IER2: variants seen among roughly 807,000 people sequenced by gnomAD.
IER2 encodes the protein immediate early response 2.
For missense variants in IER2, 372 were observed against 325.4 expected, an observed-to-expected ratio of 1.14 and a Z score of -1.10; for synonymous variants, 198 against 149.6, an observed-to-expected ratio of 1.32 and a Z score of -2.36.
chr19:13,152,346 C>T (rs1300864314), intron 1 of IER2: 3 of 152,234 alleles, frequency 2.0e-5, no homozygotes, highest in Admixed American at 1.3e-4. Flanking sequence ...CACGGGAACC[C>T]GTAGCCCGGG....
chr19:13,153,691 G>T lies in IER2; in HGVS notation c.505G>T (p.Gly169Cys). ...GCAGCCCCCTCCGGCGCAAGCGGAG[G>T]GCGCCTTTCCCAACCTGGCCCGCGT... Reference protein sequence around the residue: ...RLQPPPAQAEGAFPNLARVLQ... With the variant: ...RLQPPPAQAECAFPNLARVLQ... Residue 169 changes from glycine to cysteine, a missense_variant, in exon 2 of 2, where the codon GGC becomes TGC. Transcript: ENST00000292433. 6.2e-7 allele frequency: 1 copy of T among 1,611,738 alleles called. No homozygotes were observed. Among genetic ancestry groups the T allele is most frequent in the Non-Finnish European group, 8.5e-7 (1 of 1,179,746 alleles).
In IER2 at chr19:13,153,346, G is replaced by GCC. The variant is rs749903751; in HGVS notation, c.162_163dup (p.Leu55ProfsTer74). 4.4e-6 allele frequency: 7 copies of GCC among 1,598,806 alleles called. No homozygotes were observed. Among genetic ancestry groups the GCC allele is most frequent in the African/African-American group, 1.3e-5 (1 of 74,494 alleles). ...GCTCTACCTCTCGGCCAAGGTGGAGGCCCTCGAGCCCGAGGTGTCGTTGCC... is the reference window on the plus strand; with the variant it reads ...GCTCTACCTCTCGGCCAAGGTGGAGGCCCCCTCGAGCCCGAGGTGTCGTTGCC... On this transcript the variant is annotated frameshift_variant, in exon 2 of 2. Transcript: ENST00000292433. LOFTEE classifies it low-confidence loss of function (END_TRUNC).
chr19:13,151,809 C>CT (rs1555724845), intron 1 of IER2, among the ~76,000 whole-genome samples: 1 of 151,850 alleles, frequency 6.6e-6, no homozygotes, highest in Admixed American at 6.5e-5. Context: ...GCGCCCCCCC[C>CT]CCGGAAGCCC....
rs764748276 is a variant in IER2, at chr19:13,153,457, C to T, written c.271C>T (p.Pro91Ser). The T allele has an allele frequency of 5.0e-6, 8 of 1,595,832 alleles. No homozygotes were observed. Among genetic ancestry groups the T allele is most frequent in the Non-Finnish European group, 6.8e-6 (8 of 1,172,786 alleles). Residue 91 changes from proline (P) to serine (S), a missense_variant, in exon 2 of 2, where the codon CCG becomes TCG. Coordinates refer to ENST00000292433, the MANE Select transcript of IER2 (RefSeq NM_004907.3). ...GACAGCGACCCCCGACGGTGAGCAC[C>T]CGTTTCCGGAGCCAATGGACACGCA... The part of the protein sequence containing the change: ...AETATPDGEH[P>S]FPEPMDTQEA...
At position 13,153,543 on chromosome 19, in the gene IER2, C is replaced by A. The variant is rs766208793; in HGVS notation, c.357C>A (p.Ser119Arg). The change falls in exon 2 of 2, where the codon AGC becomes AGA. Residue 119 changes from serine to arginine, a missense_variant. Coordinates refer to ENST00000292433, the MANE Select transcript of IER2 (RefSeq NM_004907.3). ...GTGCCCCGCGCCCCGCCAAAGTCAG[C>A]CGCAAACGACGCAGCAGCAGCCTGA... is the stretch of plus-strand genomic sequence containing the variant. ...ACCAPRPAKV[S>R]RKRRSSSLSD... is the part of the protein sequence containing the mutation. 3.1e-6 allele frequency: 5 copies of A among 1,589,388 alleles called. No homozygotes were observed. The Admixed American group carries it at 8.9e-5, about 28-fold the overall frequency.
chr19:13,153,081 G>T lies in IER2; in HGVS notation c.-106G>T, dbSNP rs1361615726. ...GAGCGTCCTAGCAGTGTCACTGCGT[G>T]GGTTGGTTTGTGTAGAGAGGCGTGA... On this transcript the variant is annotated 5_prime_UTR_variant, in exon 2 of 2. Transcript: ENST00000292433. The T allele has an allele frequency of 3.8e-6, 3 of 787,118 alleles. No individual in the cohort carries two copies. Among genetic ancestry groups the T allele is most frequent in the Non-Finnish European group, 5.7e-6 (3 of 522,756 alleles). 48.8% of individuals were successfully genotyped at this position (787,118 alleles called of 1,614,324 possible).
In IER2 at chr19:13,153,662, G is replaced by T; in HGVS notation, c.476G>T (p.Arg159Leu). 8 of 1,612,946 alleles carry T rather than the reference G, an allele frequency of 5.0e-6. No individual in the cohort carries two copies. The highest frequency in any genetic ancestry group is 5.9e-6 in the Non-Finnish European group (7 of 1,179,812). ...EEGASSEVAD[R>L]LQPPPAQAEG... ...GGAGCGTCATCCGAAGTCGCCGATC[G>T]CCTGCAGCCCCCTCCGGCGCAAGCG... The change falls in exon 2 of 2, where the codon CGC (arginine) becomes CTC (leucine). Residue 159 changes from arginine to leucine, a missense_variant. Arg to Leu is a moderately radical substitution (Grantham distance 102). Coordinates refer to ENST00000292433, the MANE Select transcript of IER2 (RefSeq NM_004907.3).
In IER2 at chr19:13,153,480, G is replaced by A. The variant is rs1250283456; in HGVS notation, c.294G>A (p.Thr98=). The A allele has an allele frequency of 1.3e-6, 2 of 1,590,104 alleles. No homozygotes were observed. Among genetic ancestry groups the A allele is most frequent in the South Asian group, 1.1e-5 (1 of 88,532 alleles). ...GEHPFPEPMD[T]QEAPTAEETS... is the part of the protein sequence containing the mutation. ...ACCCGTTTCCGGAGCCAATGGACAC[G>A]CAGGAGGCGCCGACAGCCGAGGAGA... Residue 98 remains threonine, a synonymous_variant, in exon 2 of 2, where the codon ACG becomes ACA. Transcript: ENST00000292433.
rs995908189 is a variant in IER2 at position 13,150,686 on chromosome 19, A to G, written c.-244+134A>G. On this transcript the variant is annotated intron_variant, in intron 1 of 1. Transcript: ENST00000292433. This position sits in a 1 kb window ranked among gnomAD's most constrained non-coding sequence, Gnocchi z 4.0. ...GAGATCGTCCCATCCCAGGGTCCCG[A>G]GTGTCAGGTTTGGCTAGGGTCTGGG... is the stretch of plus-strand genomic sequence containing the variant. 1 of 156,128 alleles carries G rather than the reference A, an allele frequency of 6.4e-6. No individual in the cohort carries two copies. The highest frequency in any genetic ancestry group is 1.4e-5 in the Non-Finnish European group (1 of 70,336). The allele number at this position is 156,128 out of a possible 1,614,324, so 9.7% of individuals were successfully genotyped here. A position where few individuals can be genotyped will look rare whatever the true frequency, so the allele number is the denominator to read the frequency against.
Position 13,153,587 on chromosome 19 carries a change from G to A in IER2, c.401G>A (p.Gly134Glu), listed in dbSNP as rs747312297. 1.2e-6 allele frequency: 2 copies of A among 1,605,580 alleles called. No individual in the cohort carries two copies. Among genetic ancestry groups the A allele is most frequent in the Non-Finnish European group, 1.7e-6 (2 of 1,176,442 alleles). The change falls in exon 2 of 2, where the codon GGA (glycine) becomes GAA (glutamate). Residue 134 changes from glycine to glutamate, a missense_variant. Transcript: ENST00000292433. ...SSSLSDGGDA[G>E]LVPSKKARLE... ...AGCCTGAGCGACGGCGGGGACGCTG[G>A]ACTGGTCCCGAGCAAGAAAGCCCGT...
At position 13,153,487 on chromosome 19, in the gene IER2, G is replaced by A; in HGVS notation, c.301G>A (p.Ala101Thr). 1 of 1,587,852 alleles carries A rather than the reference G, an allele frequency of 6.3e-7. No individual in the cohort carries two copies. The highest frequency in any genetic ancestry group is 8.6e-7 in the Non-Finnish European group (1 of 1,168,358). Residue 101 changes from alanine to threonine, a missense_variant, in exon 2 of 2, where the codon GCG (alanine) becomes ACG (threonine). Transcript: ENST00000292433. The part of the protein sequence containing the change: ...PFPEPMDTQE[A>T]PTAEETSACC... ...TCCGGAGCCAATGGACACGCAGGAG[G>A]CGCCGACAGCCGAGGAGACCTCCGC...
chr19:13,153,515 G>A lies in IER2; in HGVS notation c.329G>A (p.Cys110Tyr). 6.3e-7 allele frequency: 1 copy of A among 1,582,334 alleles called. No individual in the cohort carries two copies. The highest frequency in any genetic ancestry group is 1.1e-5 in the South Asian group (1 of 87,868). The stretch of plus-strand genomic sequence containing the variant: ...CCGACAGCCGAGGAGACCTCCGCCT[G>A]CTGTGCCCCGCGCCCCGCCAAAGTC... ...EAPTAEETSA[C>Y]CAPRPAKVSR... is the part of the protein sequence containing the mutation. Residue 110 changes from cysteine to tyrosine, a missense_variant, in exon 2 of 2, where the codon TGC (cysteine) becomes TAC (tyrosine). Coordinates refer to ENST00000292433, the MANE Select transcript of IER2 (RefSeq NM_004907.3).
chr19:13,151,669 G>A (rs1467018165), intron 1 of IER2, among the ~76,000 whole-genome samples: 1 of 152,214 alleles, frequency 6.6e-6, no homozygotes, highest in Non-Finnish European at 1.5e-5. Context: ...CTGGAGGGAA[G>A]GAAGTGAAAC....
At position 13,153,544 on chromosome 19, in the gene IER2, C is replaced by T. The variant is rs1487188854; in HGVS notation, c.358C>T (p.Arg120Cys). The part of the protein sequence containing the change: ...CCAPRPAKVS[R>C]KRRSSSLSDG... ...TGCCCCGCGCCCCGCCAAAGTCAGC[C>T]GCAAACGACGCAGCAGCAGCCTGAG... The change falls in exon 2 of 2, where the codon CGC becomes TGC. Residue 120 changes from arginine (R) to cysteine (C), a missense_variant. Transcript: ENST00000292433. 6.3e-7 allele frequency: 1 copy of T among 1,589,898 alleles called. No individual in the cohort carries two copies. Among genetic ancestry groups the T allele is most frequent in the East Asian group, 2.3e-5 (1 of 43,176 alleles).
At chr19:13,152,372 C>A (rs1033183209) in intron 1 of IER2, 4 of 152,258 alleles carry the variant, frequency 2.6e-5, no homozygotes, top group African/African-American at 9.6e-5. Context: ...TCACCGCCTA[C>A]AAGCAAGGGC....
Position 13,153,601 on chromosome 19 carries a change from A to C in IER2, c.415A>C (p.Lys139Gln), listed in dbSNP as rs929459189. The change falls in exon 2 of 2, where the codon AAG becomes CAG. Residue 139 changes from lysine (K) to glutamine (Q), a missense_variant. Physicochemically the swap from Lys to Gln is moderately conservative, Grantham distance 53. Coordinates refer to ENST00000292433, the MANE Select transcript of IER2 (RefSeq NM_004907.3). ...CGGGGACGCTGGACTGGTCCCGAGC[A>C]AGAAAGCCCGTCTGGAAGAAAAGGA... The part of the protein sequence containing the change: ...DGGDAGLVPS[K>Q]KARLEEKEEE... 2 of 1,609,924 alleles carry C rather than the reference A, an allele frequency of 1.2e-6. No individual in the cohort carries two copies. Among genetic ancestry groups the C allele is most frequent in the Non-Finnish European group, 1.7e-6 (2 of 1,178,292 alleles).
At position 13,153,974 on chromosome 19, in the gene IER2, T is replaced by G; in HGVS notation, c.*116T>G. Reference sequence around the variant, plus strand: ...CTGGGGGAAGCGCCCGCGAAAACCGTGGAGAGAAGCCGCCGCCCGGGCTGC... The same window carrying G: ...CTGGGGGAAGCGCCCGCGAAAACCGGGGAGAGAAGCCGCCGCCCGGGCTGC... On this transcript the variant is annotated 3_prime_UTR_variant, in exon 2 of 2. Coordinates refer to ENST00000292433, the MANE Select transcript of IER2 (RefSeq NM_004907.3). 1.1e-6 allele frequency: 1 copy of G among 936,444 alleles called. No individual in the cohort carries two copies. Among genetic ancestry groups the G allele is most frequent in the Non-Finnish European group, 1.5e-6 (1 of 666,398 alleles). 58.0% of individuals were successfully genotyped at this position (936,444 alleles called of 1,614,324 possible).
rs2020100740 is a variant in IER2, at chr19:13,154,079, G to C, written c.*221G>C. 2.0e-6 allele frequency: 1 copy of C among 492,092 alleles called. No homozygotes were observed. The highest frequency in any genetic ancestry group is 4.0e-5 in the South Asian group (1 of 25,190). The allele number at this position is 492,092 out of a possible 1,614,324, so 30.5% of individuals were successfully genotyped here. ...GGGACGGCACCGAGGAGTCTGAGCC[G>C]GGGGCGCGGGCGCCTTCCGCAGAGA... is the stretch of plus-strand genomic sequence containing the variant. On this transcript the variant is annotated 3_prime_UTR_variant, in exon 2 of 2. Transcript: ENST00000292433.
chr19:13,153,837 G>C lies in IER2; in HGVS notation c.651G>C (p.Val217=). The change falls in exon 2 of 2, where the codon GTG becomes GTC. Residue 217 remains valine, a synonymous_variant. Transcript: ENST00000292433. ...CGGACAGCATGCTCAACGTGCTCGTGCGGGCCGTGGTGGCCTTCTGAGGAC... is the reference window on the plus strand; with the variant it reads ...CGGACAGCATGCTCAACGTGCTCGTCCGGGCCGTGGTGGCCTTCTGAGGAC... ...RPADSMLNVL[V]RAVVAF 1.4e-6 allele frequency: 2 copies of C among 1,454,382 alleles called. No individual in the cohort carries two copies. Among genetic ancestry groups the C allele is most frequent in the Non-Finnish European group, 9.0e-7 (1 of 1,111,552 alleles). 90.1% of individuals were successfully genotyped at this position (1,454,382 alleles called of 1,614,324 possible).
Sources: allele counts gnomAD v4.1 joint callset (sites outside exome capture counted in the v4.1 genomes callset), GRCh38; gene constraint gnomAD v4.1.1; non-coding constraint Gnocchi (gnomAD v3.1); transcripts MANE v1.5; gene names NCBI Gene and HGNC (gene_info 2026-07-23, HGNC 2026-07-21).